The following UBE2U variants were observed in gnomAD, a reference collection of about 807,000 sequenced individuals.
UBE2U encodes the protein ubiquitin conjugating enzyme E2 U, also known as ubiquitin-conjugating enzyme E2 U.
A neutral mutation model predicts 41.2 loss-of-function variants in UBE2U; 39 were observed. The ratio of observed to expected loss-of-function variants is 0.95; its 90% CI spans 0.73 to 1.24. The LOEUF is 1.24. UBE2U is among the 50% of genes most tolerant of loss of function. The pLI, the probability that UBE2U is intolerant of heterozygous loss-of-function variation, is 0.00. For synonymous variants in UBE2U, 107 were observed against 117.8 expected, an observed-to-expected ratio of 0.91 and a Z score of 0.60; for missense variants, 336 against 363.1, an observed-to-expected ratio of 0.93 and a Z score of 0.61.
At chr1:64,232,732 C>A in intron 7 of UBE2U, 83 bp downstream of exon 7, 1 of 1,017,602 alleles carries the variant, frequency 9.8e-7, no homozygotes, top group Non-Finnish European at 1.5e-6. Context: ...GACTAATTGA[C>A]ACACATCTGC....
chr1:64,214,462 A>G (rs1446814288), intron 4 of UBE2U, among the ~76,000 whole-genome samples: 1 of 152,194 alleles, frequency 6.6e-6, no homozygotes, highest in Non-Finnish European at 1.5e-5. Context: ...GTGTACTTGA[A>G]ATGTTGGTTA....
At chr1:64,229,533 C>T (rs1570038676) in intron 6 of UBE2U, among the ~76,000 whole-genome samples, 1 of 152,252 alleles carries the variant, frequency 6.6e-6, no homozygotes, top group East Asian at 1.9e-4. Flanking sequence ...TGCTCCAGAG[C>T]CACACACTTA....
chr1:64,214,766 T>TA (rs1407543763), intron 4 of UBE2U, 49 bp from the exon 5 acceptor site: 2 of 1,503,718 alleles, frequency 1.3e-6, no homozygotes, highest in Non-Finnish European at 1.8e-6. Context: ...CGTTTTGCTC[T>TA]AAAAAAAGTT....
rs192138332 is a variant in UBE2U, at chr1:64,234,429, T to G, written c.595+1780T>G. Reference sequence around the variant, plus strand: ...CTACTACACCCCCATGACCATTGCCTTAATTTGAAGTCTCTTTATATTTCA... The same window carrying G: ...CTACTACACCCCCATGACCATTGCCGTAATTTGAAGTCTCTTTATATTTCA... On this transcript the variant is annotated intron_variant, in intron 7 of 9. Transcript: ENST00000371077. Among the ~76,000 whole-genome samples the G allele has an allele frequency of 2.5e-3, 377 of 152,324 alleles. 2 individuals are homozygous for G. Among genetic ancestry groups the G allele is most frequent in the African/African-American group, 8.8e-3 (364 of 41,572 alleles).
intron 9 of UBE2U, among the ~76,000 whole-genome samples, chr1:64,266,439 C>A (rs958355999): frequency 6.6e-6 from 1 of 152,244 alleles, no homozygotes; most frequent in South Asian, 2.1e-4. Flanking sequence ...TCAGTTTCCT[C>A]ATCTGTAAAA....
chr1:64,244,975 T>G (rs1644896284), intron 8 of UBE2U, among the ~76,000 whole-genome samples: 1 of 152,232 alleles, frequency 6.6e-6, no homozygotes, highest in South Asian at 2.1e-4. Flanking sequence ...TTAAGGTTCA[T>G]TCTAATGTAA....
chr1:64,216,696 T>TG (rs1652041422), intron 5 of UBE2U, among the ~76,000 whole-genome samples: 1 of 152,266 alleles, frequency 6.6e-6, no homozygotes, highest in Non-Finnish European at 1.5e-5. Flanking sequence ...GCCTGGTATG[T>TG]GATATGCAGA....
intron 9 of UBE2U, among the ~76,000 whole-genome samples, chr1:64,263,915 T>A (rs753137643): frequency 5.9e-5 from 9 of 152,222 alleles, no homozygotes; most frequent in Admixed American, 4.6e-4. Flanking sequence ...GGTGGCTAAA[T>A]GTGTGCAGCC....
intron 8 of UBE2U, among the ~76,000 whole-genome samples, chr1:64,259,824 T>C (rs1645154112): frequency 6.6e-6 from 1 of 152,064 alleles, no homozygotes; most frequent in South Asian, 2.1e-4. Context: ...GGATGAGTCA[T>C]TAATTTTTCT....
chr1:64,214,145 G>C (rs916965628), intron 4 of UBE2U, among the ~76,000 whole-genome samples: 3 of 152,058 alleles, frequency 2.0e-5, no homozygotes, highest in African/African-American at 7.2e-5. Context: ...TAGCTATTCA[G>C]TATTCCTTTG....
intron 7 of UBE2U, among the ~76,000 whole-genome samples, chr1:64,238,135 G>A (rs891501241): frequency 5.9e-5 from 9 of 152,010 alleles, no homozygotes; most frequent in African/African-American, 1.9e-4. Context: ...TGGACACAGC[G>A]GGCTTACACT....
chr1:64,235,539 A>G (rs1644649230), intron 7 of UBE2U, among the ~76,000 whole-genome samples: 1 of 152,216 alleles, frequency 6.6e-6, no homozygotes, highest in South Asian at 2.1e-4. Flanking sequence ...AGATTATAGA[A>G]TGCTTCTTCA....
At chr1:64,232,458 T>C (rs979257932) in intron 6 of UBE2U, 103 bp from the exon 7 acceptor site, 1 of 705,612 alleles carries the variant, frequency 1.4e-6, no homozygotes, top group East Asian at 2.8e-5. Flanking sequence ...CAGTTTAATA[T>C]CTTGTGACAA....
At chr1:64,247,713 A>G (rs1338242498) in intron 8 of UBE2U, among the ~76,000 whole-genome samples, 2 of 151,990 alleles carry the variant, frequency 1.3e-5, no homozygotes, top group South Asian at 2.1e-4. Context: ...AAAATTAAAA[A>G]CTTAGCCAGG....
At chr1:64,229,141 G>A (rs1253267019) in intron 6 of UBE2U, among the ~76,000 whole-genome samples, 1 of 151,884 alleles carries the variant, frequency 6.6e-6, no homozygotes, top group Non-Finnish European at 1.5e-5. Context: ...TTGCAGGCGT[G>A]AGCCACTGCG....
chr1:64,232,595 C>T lies in UBE2U; in HGVS notation c.541C>T (p.Gln181Ter). ...AACAACCTCATTTAGTGATTACTAC[C>T]AGACATGGTCCAGAATAGCTACATC... ...IKTTSFSDYY[Q>*]TWSRIATSKA... The change falls in exon 7 of 10, where the codon CAG (glutamine) becomes TAG (stop). Residue 181 changes from glutamine to a stop codon, truncating the protein, a stop_gained. Transcript: ENST00000371077. LOFTEE classifies it high-confidence loss of function. 1.2e-6 allele frequency: 2 copies of T among 1,613,394 alleles called. No homozygotes were observed. The highest frequency in any genetic ancestry group is 1.1e-5 in the South Asian group (1 of 90,994).
At chr1:64,239,109 AAG>A (rs1491320397) in intron 7 of UBE2U, among the ~76,000 whole-genome samples, 12 of 12,422 alleles carry the variant, frequency 9.7e-4, no homozygotes, top group African/African-American at 1.3e-3. Context: ...GAAGAAGAAG[AAG>A]AAGAAGAAGA....
intron 8 of UBE2U, among the ~76,000 whole-genome samples, chr1:64,248,192 A>G (rs1186127636): frequency 6.6e-6 from 1 of 151,776 alleles, no homozygotes; most frequent in African/African-American, 2.4e-5. Context: ...CTCTCCCTCT[A>G]CGGCCTTGCT....
At chr1:64,265,907 C>G (rs1407611592) in intron 9 of UBE2U, among the ~76,000 whole-genome samples, 3 of 152,120 alleles carry the variant, frequency 2.0e-5, no homozygotes, top group Non-Finnish European at 4.4e-5. Flanking sequence ...AAACCAAAGA[C>G]AGAAGGAAAA....
Sources: allele counts gnomAD v4.1 joint callset (sites outside exome capture counted in the v4.1 genomes callset), GRCh38; gene constraint gnomAD v4.1.1; transcripts MANE v1.5; gene names NCBI Gene and HGNC (gene_info 2026-07-23, HGNC 2026-07-21).